RNF40: variants seen among roughly 807,000 people sequenced by gnomAD.
RNF40 encodes the protein ring finger protein 40.
Under a neutral mutation model 123.3 loss-of-function variants are expected in RNF40, and 39 were observed. That is an observed-to-expected ratio of 0.32 (90% CI 0.24 to 0.41). The LOEUF (loss-of-function observed/expected upper bound fraction) is 0.41. Ranked by LOEUF, RNF40 falls within the 10% of genes least tolerant of loss-of-function variation. The pLI is 1.00. For synonymous variants in RNF40, 538 were observed against 526.0 expected (o/e 1.02, Z -0.31); for missense variants, 1,003 against 1,319.9 (o/e 0.76, Z 3.72).
At position 30,766,999 on chromosome 16, in the gene RNF40, T is replaced by A; in HGVS notation, c.1429+123T>A. ...TTTTTTTCACAGAGCCTCGGCTTCCTATGCAAAACAGGGCCTGCACTGCTT... is the reference window on the plus strand; with the variant it reads ...TTTTTTTCACAGAGCCTCGGCTTCCAATGCAAAACAGGGCCTGCACTGCTT... On this transcript the variant is annotated intron_variant, in intron 11 of 19. Transcript: ENST00000324685. The surrounding 1 kb of genome is among the most constrained non-coding windows in gnomAD (Gnocchi z 5.4). The A allele has an allele frequency of 7.8e-7, 1 of 1,283,690 alleles. No homozygotes were observed. Among genetic ancestry groups the A allele is most frequent in the Non-Finnish European group, 1.1e-6 (1 of 948,624 alleles). The allele number at this position is 1,283,690 out of a possible 1,614,324, so 79.5% of individuals were successfully genotyped here. A position where few individuals can be genotyped will look rare whatever the true frequency, so the allele number is the denominator to read the frequency against.
At chr16:30,769,120 A>G (rs2054099249) in intron 15 of RNF40, 66 bp from the exon 16 acceptor site, 2 of 1,598,522 alleles carry the variant, frequency 1.3e-6, no homozygotes, top group Admixed American at 1.7e-5. Context: ...GCGTTTTCCC[A>G]TGGTTCCCCC....
chr16:30,773,764 G>A, intron 19 of RNF40, 174 bp from the exon 20 acceptor site: 1 of 578,064 alleles, frequency 1.7e-6, no homozygotes, highest in Non-Finnish European at 3.0e-6. Context: ...TGAGACCTTG[G>A]CCTCTGCACC....
intron 15 of RNF40, 29 bp downstream of exon 15, chr16:30,769,016 G>A: frequency 6.2e-7 from 1 of 1,613,290 alleles, no homozygotes; most frequent in South Asian, 1.1e-5. Flanking sequence ...CCTCGCGTCG[G>A]AGCGCAGGGA....
At chr16:30,770,075 G>A (rs1182696459) in intron 17 of RNF40, among the ~76,000 whole-genome samples, 7 of 147,456 alleles carry the variant, frequency 4.7e-5, no homozygotes, top group Admixed American at 2.0e-4. Flanking sequence ...CTGCAGTCTG[G>A]GTGACAAGAG....
In RNF40 at chr16:30,768,409, C is replaced by T; in HGVS notation, c.1858C>T (p.Pro620Ser). The change falls in exon 13 of 20, where the codon CCC becomes TCC. Residue 620 changes from proline to serine, a missense_variant. By Grantham distance (74) the Pro-to-Ser change is moderately conservative. Around this residue, in one of 11 missense-constraint regions of RNF40, gnomAD observed 295 missense variants for 331.7 expected, o/e 0.89. Transcript: ENST00000324685. The surrounding 1 kb of genome is among the most constrained non-coding windows in gnomAD (Gnocchi z 4.1). The part of the protein sequence containing the change: ...PKRELREREG[P>S]SLGPPPVASA... ...GCGGGAGCTTCGGGAACGGGAAGGT[C>T]CCAGCCTAGGACCTCCACCTGTAGC... The T allele has an allele frequency of 6.2e-7, 1 of 1,613,784 alleles. No individual in the cohort carries two copies. Among genetic ancestry groups the T allele is most frequent in the East Asian group, 2.2e-5 (1 of 44,870 alleles).
In RNF40 at chr16:30,768,953, A is replaced by C. The variant is rs1441872078; in HGVS notation, c.2213A>C (p.Glu738Ala). The C allele has an allele frequency of 6.2e-7, 1 of 1,613,982 alleles. No individual in the cohort carries two copies. Among genetic ancestry groups the C allele is most frequent in the Non-Finnish European group, 8.5e-7 (1 of 1,180,032 alleles). Residue 738 changes from glutamate (E) to alanine (A), a missense_variant, in exon 15 of 20, where the codon GAA (glutamate) becomes GCA (alanine). By Grantham distance (107) the Glu-to-Ala change is moderately radical. This residue lies in a region of RNF40 where 295 missense variants were observed against 331.7 expected (regional missense o/e 0.89). Coordinates refer to ENST00000324685, the MANE Select transcript of RNF40 (RefSeq NM_014771.4). This position sits in a 1 kb window ranked among gnomAD's most constrained non-coding sequence, Gnocchi z 4.1. Reference sequence around the variant, plus strand: ...ATTCGGCAGGCAGAGGAGCAGATAGAACACCTGCAGCGCAAGCTGGGTGCC... The same window carrying C: ...ATTCGGCAGGCAGAGGAGCAGATAGCACACCTGCAGCGCAAGCTGGGTGCC... The part of the protein sequence containing the change: ...RRIRQAEEQI[E>A]HLQRKLGATK...
rs1490469206 is a variant in RNF40 at position 30,771,829 on chromosome 16, T to G, written c.2587-4T>G. ...GTGCCTCCTTCCTGTTCCACCCTACTCAGGCTGTAGAAGCCGCCCAGCTGG... is the reference window on the plus strand; with the variant it reads ...GTGCCTCCTTCCTGTTCCACCCTACGCAGGCTGTAGAAGCCGCCCAGCTGG... On this transcript the variant is annotated splice_region_variant and splice_polypyrimidine_tract_variant and intron_variant, in intron 17 of 19. Coordinates refer to ENST00000324685, the MANE Select transcript of RNF40 (RefSeq NM_014771.4). 1 of 1,569,024 alleles carries G rather than the reference T, an allele frequency of 6.4e-7. No homozygotes were observed. The highest frequency in any genetic ancestry group is 8.6e-7 in the Non-Finnish European group (1 of 1,156,898).
chr16:30,762,379 G>A lies in RNF40; in HGVS notation c.-72+19G>A. The A allele has an allele frequency of 1.4e-6, 1 of 691,842 alleles. No individual in the cohort carries two copies. The highest frequency in any genetic ancestry group is 3.9e-5 in the Admixed American group (1 of 25,800). The allele number at this position is 691,842 out of a possible 1,614,324, so 42.9% of individuals were successfully genotyped here. ...CCTGCTGGTGAGGGCTCTGGCGCCGGGGGGGACGGGATCCAGCAGGTGTGT... is the reference window on the plus strand; with the variant it reads ...CCTGCTGGTGAGGGCTCTGGCGCCGAGGGGGACGGGATCCAGCAGGTGTGT... On this transcript the variant is annotated intron_variant, in intron 1 of 19. Transcript: ENST00000324685.
Position 30,769,801 on chromosome 16 carries a change from C to T in RNF40, c.2586+201C>T, listed in dbSNP as rs564707393. Among the ~76,000 whole-genome samples the T allele has an allele frequency of 3.4e-4, 52 of 152,324 alleles. 5 individuals are homozygous for T. Among genetic ancestry groups the T allele is most frequent in the African/African-American group, 1.2e-3 (50 of 41,576 alleles). On this transcript the variant is annotated intron_variant, in intron 17 of 19. Coordinates refer to ENST00000324685, the MANE Select transcript of RNF40 (RefSeq NM_014771.4). ...TGGTCACATTTCAGTCTCACTAATC[C>T]TATCAAGATGGTGTTTACGGGCGTG...
In RNF40 at chr16:30,768,999, G is replaced by A. The variant is rs953851880; in HGVS notation, c.2247+12G>A. On this transcript the variant is annotated intron_variant, in intron 15 of 19. Coordinates refer to ENST00000324685, the MANE Select transcript of RNF40 (RefSeq NM_014771.4). This position sits in a 1 kb window ranked among gnomAD's most constrained non-coding sequence, Gnocchi z 4.1. ...GTGCCACCAAGCAGGTGCGGCCCATGTGGTGCCCTCGCGTCGGAGCGCAGG... is the reference window on the plus strand; with the variant it reads ...GTGCCACCAAGCAGGTGCGGCCCATATGGTGCCCTCGCGTCGGAGCGCAGG... 4 of 1,613,752 alleles carry A rather than the reference G, an allele frequency of 2.5e-6. No homozygotes were observed. Among genetic ancestry groups the A allele is most frequent in the African/African-American group, 1.3e-5 (1 of 75,062 alleles).
In RNF40 at chr16:30,766,963, G is replaced by A. The variant is rs907035141; in HGVS notation, c.1429+87G>A. 6.7e-6 allele frequency: 10 copies of A among 1,498,778 alleles called. 1 individual carries two copies. Among genetic ancestry groups the A allele is most frequent in the African/African-American group, 5.6e-5 (4 of 71,742 alleles). The allele number at this position is 1,498,778 out of a possible 1,614,324, so 92.8% of individuals were successfully genotyped here. ...GGCTGCTGCTTATCCAGATGCAAGA[G>A]GCTAAGGCCTTTTTTTTCACAGAGC... is the stretch of plus-strand genomic sequence containing the variant. On this transcript the variant is annotated intron_variant, in intron 11 of 19. Transcript: ENST00000324685. The surrounding 1 kb of genome is among the most constrained non-coding windows in gnomAD (Gnocchi z 5.4).
intron 17 of RNF40, 120 bp downstream of exon 17, chr16:30,769,720 T>C: frequency 8.8e-7 from 1 of 1,130,042 alleles, no homozygotes; most frequent in Non-Finnish European, 1.2e-6. Flanking sequence ...ACAGAACAGC[T>C]CACACATATT....
Position 30,773,947 on chromosome 16 carries a change from A to T in RNF40, c.2839A>T (p.Thr947Ser), listed in dbSNP as rs1203210589. The change falls in exon 20 of 20, where the codon ACC becomes TCC. Residue 947 changes from threonine to serine, a missense_variant. Coordinates refer to ENST00000324685, the MANE Select transcript of RNF40 (RefSeq NM_014771.4). Reference protein sequence around the residue: ...EEIKEYKARLTCPCCNTRKKD... With the variant: ...EEIKEYKARLSCPCCNTRKKD... ...CCTTTGCCTGGCCCAGGCGCGGTTG[A>T]CCTGCCCCTGCTGTAACACCCGCAA... The T allele has an allele frequency of 1.2e-6, 2 of 1,612,250 alleles. No homozygotes were observed. Among genetic ancestry groups the T allele is most frequent in the Non-Finnish European group, 1.7e-6 (2 of 1,178,610 alleles).
chr16:30,765,133 C>T (rs780704354), intron 6 of RNF40, 48 bp from the exon 7 acceptor site: 8 of 1,611,626 alleles, frequency 5.0e-6, no homozygotes, highest in Non-Finnish European at 6.8e-6. Flanking sequence ...TCAGGGACCT[C>T]AGGAACCAAG....
chr16:30,767,121 C>T (rs1428207248), intron 11 of RNF40, among the ~76,000 whole-genome samples: 1 of 152,176 alleles, frequency 6.6e-6, no homozygotes, highest in East Asian at 1.9e-4. Context: ...TTCTTCTGGT[C>T]TGATGACGTC....
chr16:30,766,732 A>C lies in RNF40; in HGVS notation c.1294-9A>C. On this transcript the variant is annotated splice_polypyrimidine_tract_variant and intron_variant, in intron 10 of 19. Transcript: ENST00000324685. The surrounding 1 kb of genome is among the most constrained non-coding windows in gnomAD (Gnocchi z 5.4). ...GGGCTGTGTGGGTCCTTAACACATCAACCCACAGAGCGACGAGCTGGGGCT... is the reference window on the plus strand; with the variant it reads ...GGGCTGTGTGGGTCCTTAACACATCCACCCACAGAGCGACGAGCTGGGGCT... 1 of 1,613,938 alleles carries C rather than the reference A, an allele frequency of 6.2e-7. No homozygotes were observed. The highest frequency in any genetic ancestry group is 2.2e-5 in the East Asian group (1 of 44,890).
At position 30,772,178 on chromosome 16, in the gene RNF40, C is replaced by G. The variant is rs769568797; in HGVS notation, c.2817C>G (p.Ile939Met). 420 of 1,551,818 alleles carry G rather than the reference C, an allele frequency of 2.7e-4. No homozygotes were observed. The highest frequency in any genetic ancestry group is 3.6e-4 in the Non-Finnish European group (414 of 1,147,032). Residue 939 changes from isoleucine (I) to methionine (M), a missense_variant, in exon 19 of 20, where the codon ATC becomes ATG. By Grantham distance (10) the Ile-to-Met change is conservative. Around this residue, in one of 11 missense-constraint regions of RNF40, gnomAD observed 76 missense variants for 134.1 expected, o/e 0.57. Transcript: ENST00000324685. Reference sequence around the variant, plus strand: ...CCGACGAAATCCTCCAGGAGGAGATCAAGGAGTACAAGGTGGGGCTGTGGG... The same window carrying G: ...CCGACGAAATCCTCCAGGAGGAGATGAAGGAGTACAAGGTGGGGCTGTGGG... Reference protein sequence around the residue: ...ADADEILQEEIKEYKARLTCP... With the variant: ...ADADEILQEEMKEYKARLTCP...
rs963916048 is a variant in RNF40 at position 30,768,888 on chromosome 16, G to A, written c.2148G>A (p.Arg716=). Residue 716 remains arginine (R), a synonymous_variant, in exon 15 of 20, where the codon AGG becomes AGA. Coordinates refer to ENST00000324685, the MANE Select transcript of RNF40 (RefSeq NM_014771.4). This position sits in a 1 kb window ranked among gnomAD's most constrained non-coding sequence, Gnocchi z 4.1. ...RIRELEERDR[R]ESKKIADEDA... Reference sequence around the variant, plus strand: ...GGGAATTGGAGGAGAGGGATCGAAGGGAGAGCAAGAAGATCGCGGATGAGG... The same window carrying A: ...GGGAATTGGAGGAGAGGGATCGAAGAGAGAGCAAGAAGATCGCGGATGAGG... 4 of 1,614,240 alleles carry A rather than the reference G, an allele frequency of 2.5e-6. No individual in the cohort carries two copies. The highest frequency in any genetic ancestry group is 2.2e-5 in the East Asian group (1 of 44,888).
chr16:30,775,973 G>C lies in RNF40; in HGVS notation c.*1859G>C, dbSNP rs1362606579. The C allele has an allele frequency of 3.9e-5, 6 of 152,460 alleles. No homozygotes were observed. The highest frequency in any genetic ancestry group is 8.8e-5 in the Non-Finnish European group (6 of 68,142). The allele number at this position is 152,460 out of a possible 1,614,324, so 9.4% of individuals were successfully genotyped here. ...TGGAAGCGCGGGCCGCGGCAGGGGAGGACATCGGGCCGCAGAGAAAGTGCC... is the reference window on the plus strand; with the variant it reads ...TGGAAGCGCGGGCCGCGGCAGGGGACGACATCGGGCCGCAGAGAAAGTGCC... On this transcript the variant is annotated 3_prime_UTR_variant, in exon 20 of 20. Coordinates refer to ENST00000324685, the MANE Select transcript of RNF40 (RefSeq NM_014771.4).
Sources: gnomAD v4.1 joint callset for allele counts (sites outside exome capture counted in the v4.1 genomes callset) on GRCh38, gnomAD v4.1.1 for gene constraint, gnomAD v4.1.1 regional missense constraint, Gnocchi (gnomAD v3.1) non-coding constraint, MANE v1.5 for transcripts, NCBI Gene and HGNC (gene_info 2026-07-23, HGNC 2026-07-21) for gene names.